The following SMARCC1 variants were observed in gnomAD, a reference collection of about 807,000 sequenced individuals.
SMARCC1 encodes SWI/SNF related BAF chromatin remodeling complex subunit C1.
Under a neutral mutation model 147.4 loss-of-function variants are expected in SMARCC1, and 43 were observed. The ratio of observed to expected loss-of-function variants is 0.29; its 90% confidence interval spans 0.23 to 0.38. SMARCC1 has a LOEUF of 0.38. SMARCC1 is among the 10% of genes least tolerant of loss of function. The probability of loss-of-function intolerance (pLI) is 1.00; values close to 1 mark genes in which losing one functional copy is unlikely to be tolerated. For synonymous variants in SMARCC1, 495 were observed against 484.4 expected (o/e 1.02, Z -0.29); for missense variants, 1,119 against 1,381.1 (o/e 0.81, Z 3.01).
intron 2 of SMARCC1, among the ~76,000 whole-genome samples, chr3:47,753,683 G>C (rs1437217886): frequency 8.1e-6 from 1 of 123,918 alleles, no homozygotes; most frequent in Non-Finnish European, 1.6e-5. Flanking sequence ...CTGCACTCCA[G>C]TCTGGGCAAC....
chr3:47,724,614 T>C (rs2034277419), intron 6 of SMARCC1, among the ~76,000 whole-genome samples: 1 of 152,208 alleles, frequency 6.6e-6, no homozygotes, highest in South Asian at 2.1e-4. Context: ...AGCATTACTG[T>C]ATTTTATGTG....
At position 47,710,638 on chromosome 3, in the gene SMARCC1, C is replaced by G. The variant is rs1044483095; in HGVS notation, c.918+45G>C. 5 of 1,596,276 alleles carry G rather than the reference C, an allele frequency of 3.1e-6. No homozygotes were observed. The African/African-American group carries it at 5.4e-5, about 17-fold the overall frequency. On this transcript the variant is annotated intron_variant, in intron 9 of 27. Coordinates refer to ENST00000254480, the MANE Select transcript of SMARCC1 (RefSeq NM_003074.4). ...GATGAAGATTTAATAACATTTAGGC[C>G]AAGAAGACAGACTTAATGATGAGAA...
chr3:47,655,406 A>C (rs537443135), intron 21 of SMARCC1, among the ~76,000 whole-genome samples: 125 of 152,150 alleles, frequency 8.2e-4, no homozygotes, highest in African/African-American at 2.8e-3. Context: ...CTCAAAAAAA[A>C]TAATAATAGG....
intron 21 of SMARCC1, among the ~76,000 whole-genome samples, chr3:47,650,298 AATT>A (rs55981108): frequency 3.5e-4 from 50 of 141,040 alleles, no homozygotes; most frequent in East Asian, 1.0e-3. Context: ...TAATAATAAT[AATT>A]ATTATTATTA....
At chr3:47,774,822 T>TC (rs1382536913) in intron 1 of SMARCC1, among the ~76,000 whole-genome samples, 1 of 152,018 alleles carries the variant, frequency 6.6e-6, no homozygotes, top group Non-Finnish European at 1.5e-5. Flanking sequence ...CTTTTTTTTT[T>TC]CAAGACAGTG....
chr3:47,643,250 T>A (rs1057201272), intron 21 of SMARCC1, among the ~76,000 whole-genome samples: 2 of 152,188 alleles, frequency 1.3e-5, no homozygotes, highest in African/African-American at 4.8e-5. Context: ...AAGCTCCTTA[T>A]CTTGGCGTGT....
intron 19 of SMARCC1, 190 bp downstream of exon 19, chr3:47,670,468 C>T: frequency 3.6e-6 from 2 of 552,380 alleles, no homozygotes; most frequent in South Asian, 5.3e-5. Context: ...GCCCTTAGTC[C>T]CAGCTATTCA....
chr3:47,686,378 G>A (rs1054947412), intron 13 of SMARCC1, among the ~76,000 whole-genome samples: 1 of 152,168 alleles, frequency 6.6e-6, no homozygotes, highest in Non-Finnish European at 1.5e-5. Flanking sequence ...GCTCATTTAT[G>A]ATGATGAGGG....
chr3:47,678,935 A>G (rs1180694964), intron 15 of SMARCC1, among the ~76,000 whole-genome samples: 2 of 152,218 alleles, frequency 1.3e-5, no homozygotes, highest in African/African-American at 4.8e-5. Context: ...ATAGCTATGT[A>G]ATTTCTCACA....
At chr3:47,681,274 C>T (rs955869523) in intron 14 of SMARCC1, among the ~76,000 whole-genome samples, 1 of 152,158 alleles carries the variant, frequency 6.6e-6, no homozygotes, top group Non-Finnish European at 1.5e-5. Flanking sequence ...GAGCCTTTGT[C>T]CAGCCCTCAG....
At chr3:47,758,152 CTG>C (rs1330691525) in intron 2 of SMARCC1, among the ~76,000 whole-genome samples, 1 of 152,118 alleles carries the variant, frequency 6.6e-6, no homozygotes, top group African/African-American at 2.4e-5. Context: ...AAGGGTCTCA[CTG>C]TGTCACCCAG....
At chr3:47,597,493 AT>A (rs2032309152) in intron 26 of SMARCC1, among the ~76,000 whole-genome samples, 1 of 151,876 alleles carries the variant, frequency 6.6e-6, no homozygotes, top group Non-Finnish European at 1.5e-5. Context: ...CGCCCGGCTA[AT>A]TTTTTGTATT....
chr3:47,633,207 A>G (rs1291487255), intron 24 of SMARCC1, among the ~76,000 whole-genome samples: 1 of 152,182 alleles, frequency 6.6e-6, no homozygotes, highest in Non-Finnish European at 1.5e-5. Flanking sequence ...GTTAAAAAGC[A>G]AGAAGATTAC....
At chr3:47,777,272 G>A (rs1288458885) in intron 1 of SMARCC1, among the ~76,000 whole-genome samples, 1 of 150,812 alleles carries the variant, frequency 6.6e-6, no homozygotes, top group Non-Finnish European at 1.5e-5. Context: ...TGGTAGAGAC[G>A]GGGTTGCACC....
intron 21 of SMARCC1, among the ~76,000 whole-genome samples, chr3:47,655,639 T>C (rs1395438310): frequency 6.6e-6 from 1 of 151,446 alleles, no homozygotes; most frequent in African/African-American, 2.4e-5. Context: ...GGAGGTTGCA[T>C]GCAGTGAGTT....
intron 2 of SMARCC1, among the ~76,000 whole-genome samples, chr3:47,759,128 C>T (rs2034740462): frequency 6.6e-6 from 1 of 152,022 alleles, no homozygotes. Context: ...CCTCCCACCT[C>T]AGCCTCCCAA....
At chr3:47,704,136 C>T (rs546312311) in intron 10 of SMARCC1, among the ~76,000 whole-genome samples, 20 of 151,980 alleles carry the variant, frequency 1.3e-4, no homozygotes, top group African/African-American at 4.3e-4. Context: ...AAGGAGAGTA[C>T]ACTTGGAAGA....
rs35599897 is a variant in SMARCC1, at chr3:47,746,726, A to AT, written c.316-734dup. Among the ~76,000 whole-genome samples, 392 of 122,002 alleles carry AT rather than the reference A, an allele frequency of 3.2e-3. 2 individuals are homozygous for AT. Among genetic ancestry groups the AT allele is most frequent in the African/African-American group, 7.8e-3 (266 of 34,004 alleles). 80.0% of individuals were successfully genotyped at this position (122,002 alleles called of 152,430 possible). On this transcript the variant is annotated intron_variant, in intron 2 of 27. Coordinates refer to ENST00000254480, the MANE Select transcript of SMARCC1 (RefSeq NM_003074.4). ...CCAGGAGCAGTGGCTCACATCAGTA[A>AT]TTTTTTTTTTTTTTTTTTTTTGAGA...
intron 2 of SMARCC1, among the ~76,000 whole-genome samples, chr3:47,749,978 A>G (rs1452733280): frequency 6.6e-6 from 1 of 151,676 alleles, no homozygotes; most frequent in African/African-American, 2.4e-5. Flanking sequence ...ACTACTCAGG[A>G]GGCTGAGGCA....
Sources: gnomAD v4.1 joint callset for allele counts (sites outside exome capture counted in the v4.1 genomes callset) on GRCh38, gnomAD v4.1.1 for gene constraint, MANE v1.5 for transcripts, NCBI Gene and HGNC (gene_info 2026-07-23, HGNC 2026-07-21) for gene names.